TDRD6: variants seen among roughly 807,000 people sequenced by gnomAD.
TDRD6 encodes the protein tudor domain-containing protein 6.
A neutral mutation model predicts 157.5 loss-of-function variants in TDRD6; 186 were observed. That is an observed-to-expected ratio of 1.18 (90% CI 1.05 to 1.33). The LOEUF is 1.33. Among genes scored for constraint, TDRD6 ranks in the 40% most tolerant of loss-of-function variants. The probability of loss-of-function intolerance (pLI) is 0.00; values close to 1 mark genes in which losing one functional copy is unlikely to be tolerated. For missense variants in TDRD6, 3,066 were observed against 2,508.0 expected, an observed-to-expected ratio of 1.22 and a Z score of -4.75; for synonymous variants, 1,075 against 945.2, an observed-to-expected ratio of 1.14 and a Z score of -2.52.
Position 46,691,738 on chromosome 6 carries a change from C to G in TDRD6, c.3610C>G (p.Pro1204Ala). 6.3e-7 allele frequency: 1 copy of G among 1,592,542 alleles called. No individual in the cohort carries two copies. Among genetic ancestry groups the G allele is most frequent in the Non-Finnish European group, 8.5e-7 (1 of 1,174,304 alleles). The change falls in exon 1 of 4, where the codon CCT becomes GCT. Residue 1204 changes from proline (P) to alanine (A), a missense_variant. By Grantham distance (27) the Pro-to-Ala change is conservative. Coordinates refer to ENST00000316081, the MANE Select transcript of TDRD6 (RefSeq NM_001010870.3). ...YLSKSVGYKL[P>A]NKEILEESYK... ...AAGTAAATCAGTAGGGTACAAGTTA[C>G]CTAATAAAGAAATTTTGGAAGAGTC...
Position 46,695,898 on chromosome 6 carries a change from A to G in TDRD6, c.6124A>G (p.Thr2042Ala), listed in dbSNP as rs770958278. The change falls in exon 2 of 4, where the codon ACA (threonine) becomes GCA (alanine). Residue 2042 changes from threonine to alanine, a missense_variant. Physicochemically the swap from Thr to Ala is moderately conservative, Grantham distance 58. Transcript: ENST00000316081. ...TGTTGTGTGGTCAAGTCTAAGAAAC[A>G]CATGGTCTAAATGTGAGATTTTAGA... ...KCVVWSSLRNTWSKCEILETA... is the reference protein window; with the variant it reads ...KCVVWSSLRNAWSKCEILETA... The G allele has an allele frequency of 6.2e-7, 1 of 1,613,718 alleles. No homozygotes were observed. The highest frequency in any genetic ancestry group is 1.3e-5 in the African/African-American group (1 of 75,032).
At chr6:46,696,551 A>ATG (rs1213900777) in intron 2 of TDRD6, among the ~76,000 whole-genome samples, 40 of 47,642 alleles carry the variant, frequency 8.4e-4, no homozygotes, top group East Asian at 1.4e-3. Flanking sequence ...ATATGTATAT[A>ATG]TGTGTGTGTG....
At position 46,701,886 on chromosome 6, in the gene TDRD6, A is replaced by G; in HGVS notation, c.6290A>G (p.Ter2097=). 1 of 1,612,754 alleles carries G rather than the reference A, an allele frequency of 6.2e-7. No individual in the cohort carries two copies. The change falls in exon 4 of 4, where the codon TAA becomes TGA. Residue 2097 remains the stop codon, a stop_retained_variant. Transcript: ENST00000316081. ...AGGGGTTTGGAGGTGATGGAGATTT[A>G]ACCGTGGATCTATAGCTGTGGCCAA... ...EKRGLEVMEI[*]
chr6:46,697,668 C>G (rs1461125200), intron 2 of TDRD6, among the ~76,000 whole-genome samples: 3 of 151,520 alleles, frequency 2.0e-5, no homozygotes, highest in Non-Finnish European at 2.9e-5. Flanking sequence ...AGGTGGATCG[C>G]TTGAGCCAAG....
chr6:46,690,733 A>G lies in TDRD6; in HGVS notation c.2605A>G (p.Ser869Gly). The change falls in exon 1 of 4, where the codon AGT becomes GGT. Residue 869 changes from serine (S) to glycine (G), a missense_variant. Coordinates refer to ENST00000316081, the MANE Select transcript of TDRD6 (RefSeq NM_001010870.3). ...MVSVKNIYSI[S>G]EEFLKVKAQA... ...ATCTGTGAAGAATATTTATTCAATT[A>G]GTGAAGAATTTCTGAAGGTTAAGGC... 1 of 1,614,184 alleles carries G rather than the reference A, an allele frequency of 6.2e-7. No individual in the cohort carries two copies. The highest frequency in any genetic ancestry group is 8.5e-7 in the Non-Finnish European group (1 of 1,180,020).
At chr6:46,685,557 G>A (rs925404703), upstream of TDRD6, among the ~76,000 whole-genome samples, 6 of 151,740 alleles carry the variant, frequency 4.0e-5, no homozygotes, top group Non-Finnish European at 8.8e-5. Context: ...TATCCCTTAC[G>A]TATTTGTATT....
At position 46,688,729 on chromosome 6, in the gene TDRD6, C is replaced by A; in HGVS notation, c.601C>A (p.Pro201Thr). Residue 201 changes from proline to threonine, a missense_variant, in exon 1 of 4, where the codon CCC (proline) becomes ACC (threonine). By Grantham distance (38) the Pro-to-Thr change is conservative (BLOSUM62 -1). Transcript: ENST00000316081. ...MRELGLARRVPDSLFRSLLER... is the reference protein window; with the variant it reads ...MRELGLARRVTDSLFRSLLER... ...GGAGCTGGGCCTGGCTCGGCGGGTG[C>A]CCGACAGCCTCTTCCGTTCGCTGCT... is the stretch of plus-strand genomic sequence containing the variant. 1.3e-6 allele frequency: 2 copies of A among 1,598,738 alleles called. No homozygotes were observed. The highest frequency in any genetic ancestry group is 8.5e-7 in the Non-Finnish European group (1 of 1,178,708).
In TDRD6 at chr6:46,692,267, A is replaced by G. The variant is rs751558420; in HGVS notation, c.4139A>G (p.Asn1380Ser). The G allele has an allele frequency of 5.0e-6, 8 of 1,613,902 alleles. No homozygotes were observed. Among genetic ancestry groups the G allele is most frequent in the Non-Finnish European group, 6.8e-6 (8 of 1,179,938 alleles). The part of the protein sequence containing the change: ...YRAVIKEQQP[N>S]DLLSVQFIDY... Reference sequence around the variant, plus strand: ...GCTGTGATCAAGGAGCAACAACCCAATGACCTTCTCTCTGTGCAGTTTATA... The same window carrying G: ...GCTGTGATCAAGGAGCAACAACCCAGTGACCTTCTCTCTGTGCAGTTTATA... The change falls in exon 1 of 4, where the codon AAT becomes AGT. Residue 1380 changes from asparagine (N) to serine (S), a missense_variant. Coordinates refer to ENST00000316081, the MANE Select transcript of TDRD6 (RefSeq NM_001010870.3).
intron 3 of TDRD6, 68 bp downstream of exon 3, chr6:46,698,155 C>T: frequency 8.2e-7 from 1 of 1,222,990 alleles, no homozygotes; most frequent in South Asian, 1.4e-5. Context: ...ATTTAACAAA[C>T]TATTTCCAAA....
Position 46,688,332 on chromosome 6 carries a change from G to C in TDRD6, c.204G>C (p.Ser68=). ...GQWALGSASA[S]PGELCLVQVG... is the part of the protein sequence containing the mutation. The stretch of plus-strand genomic sequence containing the variant: ...GGGCGCTGGGCAGCGCCTCGGCCTC[G>C]CCCGGCGAGCTGTGCCTGGTGCAGG... Residue 68 remains serine (S), a synonymous_variant, in exon 1 of 4, where the codon TCG becomes TCC. Transcript: ENST00000316081. 3 of 1,525,438 alleles carry C rather than the reference G, an allele frequency of 2.0e-6. No homozygotes were observed. Among genetic ancestry groups the C allele is most frequent in the Non-Finnish European group, 2.6e-6 (3 of 1,141,178 alleles). 94.5% of individuals were successfully genotyped at this position (1,525,438 alleles called of 1,614,324 possible). A position where few individuals can be genotyped will look rare whatever the true frequency, so the allele number is the denominator to read the frequency against.
At position 46,695,940 on chromosome 6, in the gene TDRD6, A is replaced by G. The variant is rs1293038412; in HGVS notation, c.6166A>G (p.Thr2056Ala). ...CEILETAEEG[T>A]RVLNLSNGME... is the part of the protein sequence containing the mutation. ...GATTTTAGAAACAGCTGAAGAAGGA[A>G]CAAGGGTAAGTGATGTTTAAGTACT... is the stretch of plus-strand genomic sequence containing the variant. Residue 2056 changes from threonine to alanine, a missense_variant, in exon 2 of 4, where the codon ACA (threonine) becomes GCA (alanine). Transcript: ENST00000316081. The G allele has an allele frequency of 6.2e-7, 1 of 1,612,104 alleles. No homozygotes were observed. Among genetic ancestry groups the G allele is most frequent in the African/African-American group, 1.3e-5 (1 of 74,830 alleles).
At chr6:46,695,641 T>TG (rs548420790) in intron 1 of TDRD6, among the ~76,000 whole-genome samples, 180 bp from the exon 2 acceptor site, 153 of 152,132 alleles carry the variant, frequency 1.0e-3, no homozygotes, top group South Asian at 2.1e-3. Context: ...AGAGATTATA[T>TG]GGGGGGGCGG....
At position 46,695,803 on chromosome 6, in the gene TDRD6, C is replaced by G. The variant is rs1764474293; in HGVS notation, c.6047-18C>G. The stretch of plus-strand genomic sequence containing the variant: ...ATTAAGAGATATGCATTGAGTCTTA[C>G]TCAATTCAATTTGGCAGCTCAACTA... On this transcript the variant is annotated intron_variant, in intron 1 of 3. Transcript: ENST00000316081. 3.1e-6 allele frequency: 5 copies of G among 1,609,960 alleles called. No homozygotes were observed. Among genetic ancestry groups the G allele is most frequent in the Non-Finnish European group, 4.2e-6 (5 of 1,178,394 alleles).
chr6:46,694,377 G>GT (rs746878854), intron 1 of TDRD6, among the ~76,000 whole-genome samples: 1 of 151,394 alleles, frequency 6.6e-6, no homozygotes, highest in Non-Finnish European at 1.5e-5. Context: ...TTATTTTTCT[G>GT]TTTTTTGTAG....
Position 46,694,281 on chromosome 6 carries a change from C to T in TDRD6, c.6046+107C>T, listed in dbSNP as rs1307799636. On this transcript the variant is annotated intron_variant, in intron 1 of 3. Transcript: ENST00000316081. ...GCAGTGGTGTGATCTTGGCTCACTGCAGCCTCTGCCTCCCAGGCTCTAGTG... is the reference window on the plus strand; with the variant it reads ...GCAGTGGTGTGATCTTGGCTCACTGTAGCCTCTGCCTCCCAGGCTCTAGTG... The T allele has an allele frequency of 1.4e-5, 10 of 738,250 alleles. No homozygotes were observed. In the Admixed American group the frequency reaches 1.6e-4, roughly 12 times the overall value. 45.7% of individuals were successfully genotyped at this position (738,250 alleles called of 1,614,324 possible). A position where few individuals can be genotyped will look rare whatever the true frequency, so the allele number is the denominator to read the frequency against.
In TDRD6 at chr6:46,689,993, A is replaced by C. The variant is rs1014432362; in HGVS notation, c.1865A>C (p.Lys622Thr). 6.2e-7 allele frequency: 1 copy of C among 1,613,560 alleles called. No homozygotes were observed. Among genetic ancestry groups the C allele is most frequent in the South Asian group, 1.1e-5 (1 of 91,022 alleles). ...WSQEAVSFFK[K>T]TVLHKELVIH... Reference sequence around the variant, plus strand: ...CAGGAGGCAGTTTCCTTTTTTAAAAAGACTGTGCTCCACAAAGAATTAGTC... The same window carrying C: ...CAGGAGGCAGTTTCCTTTTTTAAAACGACTGTGCTCCACAAAGAATTAGTC... Residue 622 changes from lysine (K) to threonine (T), a missense_variant, in exon 1 of 4, where the codon AAG (lysine) becomes ACG (threonine). By Grantham distance (78) the Lys-to-Thr change is moderately conservative (BLOSUM62 -1). Transcript: ENST00000316081.
chr6:46,688,225 TG>T lies in TDRD6; in HGVS notation c.102del (p.Leu35TrpfsTer12). The part of the protein sequence containing the change: ...VHPDVIPVQL[W>X]GLVGERRGEY... ...TCCCGATGTGATCCCGGTGCAGCTG[TG>T]GGGGCTGGTGGGCGAGCGGCGGGGC... On this transcript the variant is annotated frameshift_variant, in exon 1 of 4. Transcript: ENST00000316081. LOFTEE classifies it high-confidence loss of function. 1 of 1,530,938 alleles carries T rather than the reference TG, an allele frequency of 6.5e-7. No individual in the cohort carries two copies. 94.8% of individuals were successfully genotyped at this position (1,530,938 alleles called of 1,614,324 possible).
chr6:46,702,706 C>T lies in TDRD6; in HGVS notation c.*819C>T, dbSNP rs1490876458. ...TCAGATAGCTGATGAGTCTCAGAGG[C>T]TTGATCAAACCCAGACCTACCTAAC... On this transcript the variant is annotated 3_prime_UTR_variant, in exon 4 of 4. Coordinates refer to ENST00000316081, the MANE Select transcript of TDRD6 (RefSeq NM_001010870.3). 1 of 152,084 alleles carries T rather than the reference C, an allele frequency of 6.6e-6. No homozygotes were observed. Among genetic ancestry groups the T allele is most frequent in the Non-Finnish European group, 1.5e-5 (1 of 67,982 alleles). The allele number at this position is 152,084 out of a possible 1,614,324, so 9.4% of individuals were successfully genotyped here. A position where few individuals can be genotyped will look rare whatever the true frequency, so the allele number is the denominator to read the frequency against.
Position 46,691,804 on chromosome 6 carries a change from CTT to C in TDRD6, c.3679_3680del (p.Leu1227ThrfsTer19). On this transcript the variant is annotated frameshift_variant, in exon 1 of 4. Transcript: ENST00000316081. LOFTEE classifies it high-confidence loss of function. ...CAACTCATCATACAAGGAACTCAAA[CTT>C]TTACAAAGTTTAACAAAAACAAACT... is the stretch of plus-strand genomic sequence containing the variant. The part of the protein sequence containing the change: ...QINSSYKELK[L>X]LQSLTKTNLV... 1 of 1,601,688 alleles carries C rather than the reference CTT, an allele frequency of 6.2e-7. No homozygotes were observed. Among genetic ancestry groups the C allele is most frequent in the Non-Finnish European group, 8.5e-7 (1 of 1,176,998 alleles).
Sources: gnomAD v4.1 joint callset for allele counts (sites outside exome capture counted in the v4.1 genomes callset) on GRCh38, gnomAD v4.1.1 for gene constraint, MANE v1.5 for transcripts, NCBI Gene and HGNC (gene_info 2026-07-23, HGNC 2026-07-21) for gene names.